Variants in ZRANB1 observed in about 807,000 individuals in gnomAD.
The protein encoded by ZRANB1 is zinc finger RANBP2-type containing 1, also known as ubiquitin thioesterase ZRANB1.
A neutral mutation model predicts 80.5 loss-of-function variants in ZRANB1; 16 were observed. The ratio of observed to expected loss-of-function variants is 0.20; its 90% CI spans 0.13 to 0.30. The LOEUF (loss-of-function observed/expected upper bound fraction) is 0.30. ZRANB1 is among the 10% of genes least tolerant of loss of function. The pLI is 1.00. For missense variants in ZRANB1, 576 were observed against 862.6 expected (o/e 0.67, Z 4.16); for synonymous variants, 291 against 293.1 (o/e 0.99, Z 0.07).
the ZRANB1 span, among the ~76,000 whole-genome samples, chr10:124,922,281 A>AATATATATATATGTAAAAT: frequency 4.1e-4 from 36 of 87,436 alleles, no homozygotes; most frequent in Admixed American, 4.0e-4. Flanking sequence ...ATATATGTAA[A>AATATATATATATGTAAAAT]ATATATATAT....
intron 2 of ZRANB1, 98 bp from the exon 3 acceptor site, chr10:124,971,867 A>C: frequency 8.5e-7 from 1 of 1,170,810 alleles, no homozygotes; most frequent in Non-Finnish European, 1.2e-6. Flanking sequence ...GAAAACCTTG[A>C]GTTATTGGGA....
chr10:124,963,577 T>TG (rs1951754256), intron 1 of ZRANB1, among the ~76,000 whole-genome samples: 3 of 114,752 alleles, frequency 2.6e-5, no homozygotes, highest in African/African-American at 7.9e-5. Context: ...TTTTTTTTTT[T>TG]GGGCATGTAT....
rs774068439 is a variant in ZRANB1 at position 124,971,997 on chromosome 10, A to G, written c.1035A>G (p.Ala345=). The G allele has an allele frequency of 3.1e-6, 5 of 1,607,612 alleles. No homozygotes were observed. The highest frequency in any genetic ancestry group is 3.3e-4 in the Middle Eastern group (2 of 6,054). ...VSQQAAKCIP[A]MVCPELTEQI... is the part of the protein sequence containing the mutation. ...AACAAGCAGCAAAGTGTATTCCAGC[A>G]ATGGTGTGTCCTGAACTGACAGAAC... is the stretch of plus-strand genomic sequence containing the variant. Residue 345 remains alanine (A), a synonymous_variant, in exon 3 of 9, where the codon GCA becomes GCG. Transcript: ENST00000359653.
chr10:124,966,169 TAAAGG>T (rs1951773927), intron 1 of ZRANB1, among the ~76,000 whole-genome samples: 1 of 152,102 alleles, frequency 6.6e-6, no homozygotes, highest in Non-Finnish European at 1.5e-5. Context: ...GAATGCAGTG[TAAAGG>T]GCAGGAGGAG....
intron 2 of ZRANB1, among the ~76,000 whole-genome samples, chr10:124,971,696 C>CATACATTTTT (rs1184379288): frequency 6.6e-6 from 1 of 152,192 alleles, no homozygotes; most frequent in African/African-American, 2.4e-5. Flanking sequence ...CACCCTTTTC[C>CATACATTTTT]ATACATTTTT....
chr10:124,987,383 T>C lies in ZRANB1; in HGVS notation c.*2391T>C, dbSNP rs1349660460. ...AAATTTATATATATATATATAAATT[T>C]TTGTTTGGGCGACCAAGATCTAATA... On this transcript the variant is annotated 3_prime_UTR_variant, in exon 9 of 9. Coordinates refer to ENST00000359653, the MANE Select transcript of ZRANB1 (RefSeq NM_017580.3). 6.6e-6 allele frequency: 1 copy of C among 151,886 alleles called. No homozygotes were observed. Among genetic ancestry groups the C allele is most frequent in the Non-Finnish European group, 1.5e-5 (1 of 68,008 alleles). The allele number at this position is 151,886 out of a possible 1,614,324, so 9.4% of individuals were successfully genotyped here. A position where few individuals can be genotyped will look rare whatever the true frequency, so the allele number is the denominator to read the frequency against.
Position 124,983,168 on chromosome 10 carries a change from C to T in ZRANB1, c.1549-7C>T, listed in dbSNP as rs564890885. 8.6e-5 allele frequency: 138 copies of T among 1,601,666 alleles called. No homozygotes were observed. The highest frequency in any genetic ancestry group is 1.1e-4 in the Admixed American group (6 of 56,896). ...AATGTTTTAAGTTTTTGTTTTGTTT[C>T]GTACAGCCTGGAGCAAGCTTGGAGC... On this transcript the variant is annotated splice_region_variant and splice_polypyrimidine_tract_variant and intron_variant, in intron 6 of 8. Transcript: ENST00000359653. This position sits in a 1 kb window ranked among gnomAD's most constrained non-coding sequence, Gnocchi z 6.2.
chr10:124,960,751 C>T (rs1301956231), intron 1 of ZRANB1, among the ~76,000 whole-genome samples: 1 of 152,016 alleles, frequency 6.6e-6, no homozygotes, highest in African/African-American at 2.4e-5. Flanking sequence ...TGTTCATTTA[C>T]CCTCTAGTAA....
the ZRANB1 span, among the ~76,000 whole-genome samples, chr10:124,923,279 AAAACAAAC>A: frequency 6.7e-5 from 10 of 150,070 alleles, no homozygotes; most frequent in African/African-American, 2.5e-4. Flanking sequence ...CTCTGTCTCA[AAAACAAAC>A]AAACAAAAAA....
the ZRANB1 span, among the ~76,000 whole-genome samples, chr10:124,931,325 A>C: frequency 5.9e-5 from 9 of 152,132 alleles, no homozygotes; most frequent in South Asian, 1.9e-3. Flanking sequence ...CTAGGATTAC[A>C]GCAGTGGTTC....
At chr10:124,981,871 A>G in intron 6 of ZRANB1, 42 bp downstream of exon 6, 1 of 1,610,358 alleles carries the variant, frequency 6.2e-7, no homozygotes, top group Middle Eastern at 1.7e-4. Context: ...GAGAAAAGTA[A>G]GCATGTAGTC....
At chr10:124,975,634 T>C (rs1014738255) in intron 5 of ZRANB1, among the ~76,000 whole-genome samples, 2 of 152,250 alleles carry the variant, frequency 1.3e-5, no homozygotes, top group Non-Finnish European at 2.9e-5. Context: ...TTATCTCATT[T>C]AGTTATTACA....
chr10:124,922,336 A>ATATATGTAAAATATATATATATATATAT, the ZRANB1 span, among the ~76,000 whole-genome samples: 1 of 44,782 alleles, frequency 2.2e-5, no homozygotes, highest in African/African-American at 5.4e-5. Context: ...GTATATATAT[A>ATATATGTAAAATATATATATATATATAT]TTTTTTTTTT....
chr10:124,972,211 TA>T, intron 3 of ZRANB1, 93 bp downstream of exon 3: 1 of 1,250,120 alleles, frequency 8.0e-7, no homozygotes, highest in Non-Finnish European at 1.1e-6. Context: ...AGAAAGCACA[TA>T]ACATAGCTAC....
At chr10:124,965,654 A>G (rs2134280588) in intron 1 of ZRANB1, among the ~76,000 whole-genome samples, 1 of 152,332 alleles carries the variant, frequency 6.6e-6, no homozygotes, top group South Asian at 2.1e-4. Flanking sequence ...TCCAGCAAAC[A>G]CATTTGTCTT....
At chr10:124,972,607 C>T (rs1262996540) in intron 3 of ZRANB1, among the ~76,000 whole-genome samples, 1 of 152,138 alleles carries the variant, frequency 6.6e-6, no homozygotes, top group East Asian at 1.9e-4. Context: ...CTTTTTTACT[C>T]ATTTATTTCT....
rs1278898432 is a variant in ZRANB1, at chr10:124,987,321, C to A, written c.*2329C>A. 6.6e-6 allele frequency: 1 copy of A among 152,148 alleles called. No homozygotes were observed. The highest frequency in any genetic ancestry group is 1.5e-5 in the Non-Finnish European group (1 of 67,990). The allele number at this position is 152,148 out of a possible 1,614,324, so 9.4% of individuals were successfully genotyped here. Reference sequence around the variant, plus strand: ...GGTTCTTTTTCTAGAGCAAACAGAGCGTGGCATTTTGTTTTGACTTGTTCT... The same window carrying A: ...GGTTCTTTTTCTAGAGCAAACAGAGAGTGGCATTTTGTTTTGACTTGTTCT... On this transcript the variant is annotated 3_prime_UTR_variant, in exon 9 of 9. Transcript: ENST00000359653.
chr10:124,982,897 T>C (rs1951951991), intron 6 of ZRANB1, among the ~76,000 whole-genome samples: 1 of 152,174 alleles, frequency 6.6e-6, no homozygotes, highest in South Asian at 2.1e-4. Flanking sequence ...GTTCCTGAGG[T>C]TGGAGAGTTA....
intron 2 of ZRANB1, among the ~76,000 whole-genome samples, chr10:124,968,087 G>A (rs991035802): frequency 6.6e-6 from 1 of 151,986 alleles, no homozygotes; most frequent in East Asian, 1.9e-4. Context: ...TAGAAAGGTG[G>A]GGTTTCACCA....
Sources: gnomAD v4.1 joint callset for allele counts (sites outside exome capture counted in the v4.1 genomes callset) on GRCh38, gnomAD v4.1.1 for gene constraint, Gnocchi (gnomAD v3.1) non-coding constraint, MANE v1.5 for transcripts, NCBI Gene and HGNC (gene_info 2026-07-23, HGNC 2026-07-21) for gene names.